KDM4C: variants seen among roughly 807,000 people sequenced by gnomAD.
The protein encoded by KDM4C is lysine demethylase 4C, also known as lysine-specific demethylase 4C.
KDM4C carries 81 observed loss-of-function variants against 129.3 expected under a neutral mutation model. The observed-to-expected ratio is 0.63, with a 90% confidence interval of 0.52 to 0.75. The LOEUF (loss-of-function observed/expected upper bound fraction) is 0.75. Among genes scored for constraint, KDM4C ranks in the 30% least tolerant of loss-of-function variants. The probability of loss-of-function intolerance (pLI) is 0.00; values close to 1 mark genes in which losing one functional copy is unlikely to be tolerated. For missense variants in KDM4C, 1,457 were observed against 1,304.0 expected (o/e 1.12, Z -1.81); for synonymous variants, 573 against 456.1 (o/e 1.26, Z -3.26).
At chr9:7,019,693 A>ATAATATT (rs1198055678) in intron 15 of KDM4C, among the ~76,000 whole-genome samples, 105 of 124,046 alleles carry the variant, frequency 8.5e-4, no homozygotes, top group Non-Finnish European at 1.4e-3. Flanking sequence ...ATATTATAAA[A>ATAATATT]ATATAATATT....
At chr9:6,852,600 C>G (rs1839057368) in intron 5 of KDM4C, among the ~76,000 whole-genome samples, 2 of 152,212 alleles carry the variant, frequency 1.3e-5, no homozygotes, top group South Asian at 2.1e-4. Flanking sequence ...AGCTGTATCT[C>G]CCCTTCAGTA....
intron 17 of KDM4C, among the ~76,000 whole-genome samples, chr9:7,055,794 T>C (rs952615950): frequency 6.6e-6 from 1 of 152,244 alleles, no homozygotes; most frequent in Non-Finnish European, 1.5e-5. Context: ...AGATAGGGTC[T>C]GCCTCTTGTG....
intron 19 of KDM4C, among the ~76,000 whole-genome samples, chr9:7,136,128 A>G (rs1375661040): frequency 6.6e-6 from 1 of 152,228 alleles, no homozygotes; most frequent in Non-Finnish European, 1.5e-5. Context: ...TGTGTATTCT[A>G]GATACAAGTC....
At chr9:7,003,313 G>A (rs868656991) in intron 12 of KDM4C, among the ~76,000 whole-genome samples, 30 of 152,030 alleles carry the variant, frequency 2.0e-4, no homozygotes, top group African/African-American at 7.0e-4. Context: ...TTGTTCATGC[G>A]TGTTATAAAA....
chr9:6,995,827 A>C (rs369356550), intron 12 of KDM4C, among the ~76,000 whole-genome samples: 2 of 151,712 alleles, frequency 1.3e-5, no homozygotes, highest in Non-Finnish European at 1.5e-5. Context: ...GCCTGCCACC[A>C]CGCCCGGCTA....
intron 1 of KDM4C, among the ~76,000 whole-genome samples, chr9:6,783,117 G>C (rs1297378448): frequency 1.3e-5 from 2 of 152,160 alleles, no homozygotes; most frequent in Non-Finnish European, 2.9e-5. Context: ...CTTTACCCTG[G>C]TAAAAGGTAG....
intron 8 of KDM4C, among the ~76,000 whole-genome samples, chr9:6,923,924 T>G (rs1377992567): frequency 6.6e-6 from 1 of 152,210 alleles, no homozygotes; most frequent in Non-Finnish European, 1.5e-5. Context: ...AGACCGATGC[T>G]TATGGCTGCT....
chr9:6,835,065 G>C, intron 4 of KDM4C: 1 of 958,414 alleles, frequency 1.0e-6, no homozygotes, highest in Non-Finnish European at 1.7e-6. Flanking sequence ...CCACGGCTGA[G>C]TGGGATATCG....
In KDM4C at chr9:6,759,993, A is replaced by G. The variant is rs757308530; in HGVS notation, c.-18+1790A>G. On this transcript the variant is annotated intron_variant, in intron 1 of 21. Transcript: ENST00000381309. The stretch of plus-strand genomic sequence containing the variant: ...TAAATAAATAAATAAATAAATAAAT[A>G]AAAGCTTTTAGTAAATGAATAGTCT... 2.4e-4 allele frequency among the ~76,000 whole-genome samples: 36 copies of G among 148,590 alleles called. No homozygotes were observed. The South Asian group carries it at 2.6e-3, about 11-fold the overall frequency.
intron 19 of KDM4C, among the ~76,000 whole-genome samples, chr9:7,160,632 C>G (rs1404537091): frequency 6.6e-6 from 1 of 152,208 alleles, no homozygotes; most frequent in African/African-American, 2.4e-5. Flanking sequence ...CCACTCCAGA[C>G]CCTGTTTGCC....
At chr9:6,934,033 A>G (rs1418118960) in intron 8 of KDM4C, among the ~76,000 whole-genome samples, 1 of 151,912 alleles carries the variant, frequency 6.6e-6, no homozygotes, top group African/African-American at 2.4e-5. Context: ...TACTTTTTGT[A>G]GAGATGGGGT....
chr9:7,095,058 A>G (rs539037578), intron 17 of KDM4C, among the ~76,000 whole-genome samples: 38 of 152,354 alleles, frequency 2.5e-4, no homozygotes, highest in African/African-American at 7.7e-4. Context: ...GTAAGTATAT[A>G]TAGCAGGAAT....
At chr9:6,836,828 CTTTTT>C (rs902333243) in intron 4 of KDM4C, among the ~76,000 whole-genome samples, 1 of 150,950 alleles carries the variant, frequency 6.6e-6, no homozygotes, top group African/African-American at 2.4e-5. Flanking sequence ...GAATTTACAA[CTTTTT>C]TTTTATTCTG....
chr9:7,123,348 G>A (rs1418182740), intron 18 of KDM4C, among the ~76,000 whole-genome samples: 4 of 151,960 alleles, frequency 2.6e-5, no homozygotes, highest in Admixed American at 6.6e-5. Context: ...ATTCCCTTCC[G>A]CTACCCACAT....
At chr9:7,130,861 T>A (rs1840552818) in intron 19 of KDM4C, among the ~76,000 whole-genome samples, 1 of 151,930 alleles carries the variant, frequency 6.6e-6, no homozygotes, top group Non-Finnish European at 1.5e-5. Flanking sequence ...TGGGCTCCGG[T>A]GATCCTCTCG....
chr9:6,990,035 C>T (rs577636850), intron 11 of KDM4C, among the ~76,000 whole-genome samples: 2 of 152,260 alleles, frequency 1.3e-5, no homozygotes, highest in African/African-American at 4.8e-5. Context: ...ACCTTGGCCT[C>T]CCAAAATGCT....
intron 5 of KDM4C, among the ~76,000 whole-genome samples, chr9:6,868,208 C>T (rs565934281): frequency 3.9e-5 from 6 of 151,938 alleles, no homozygotes; most frequent in South Asian, 2.1e-4. Flanking sequence ...AGCTTTGCCT[C>T]TCCCTTACGC....
chr9:6,957,203 G>A (rs1047997475), intron 8 of KDM4C, among the ~76,000 whole-genome samples: 1 of 152,098 alleles, frequency 6.6e-6, no homozygotes, highest in Non-Finnish European at 1.5e-5. Flanking sequence ...ATTCTCCCTG[G>A]CACACAGCTG....
chr9:7,005,595 A>T (rs2132078069), intron 12 of KDM4C, among the ~76,000 whole-genome samples: 1 of 152,248 alleles, frequency 6.6e-6, no homozygotes, highest in Middle Eastern at 3.4e-3. Flanking sequence ...AAGGCTTCCA[A>T]GAGGGTTTGT....
Sources: gnomAD v4.1 joint callset for allele counts (sites outside exome capture counted in the v4.1 genomes callset) on GRCh38, gnomAD v4.1.1 for gene constraint, MANE v1.5 for transcripts, NCBI Gene and HGNC (gene_info 2026-07-23, HGNC 2026-07-21) for gene names.